The following ENGASE variants were observed in gnomAD, a reference collection of about 807,000 sequenced individuals.
ENGASE encodes the protein cytosolic endo-beta-N-acetylglucosaminidase.
In ENGASE, 69 loss-of-function variants were observed where a neutral mutation model predicts 78.5. That is an observed-to-expected ratio of 0.88 (90% confidence interval 0.72 to 1.07). The LOEUF (loss-of-function observed/expected upper bound fraction) is 1.07, where lower values mean the gene tolerates loss of function less well. Among genes scored for constraint, ENGASE ranks in the 50% least tolerant of loss-of-function variants. The probability of loss-of-function intolerance (pLI) is 0.00; values close to 1 mark genes in which losing one functional copy is unlikely to be tolerated. For missense variants in ENGASE, 943 were observed against 988.4 expected (o/e 0.95, Z 0.62); for synonymous variants, 408 against 408.9 (o/e 1.00, Z 0.03).
rs181617117 is a variant in ENGASE at position 79,083,244 on chromosome 17, G to T, written c.1142+121G>T. ...TTCCTATGGGGGGGTGGTTAAGGGA[G>T]GATGACAGGGGAGGAAGCCAGCACC... On this transcript the variant is annotated intron_variant, in intron 8 of 13. Transcript: ENST00000579016. The surrounding 1 kb of genome is among the most constrained non-coding windows in gnomAD (Gnocchi z 4.9). 3.6e-6 allele frequency: 3 copies of T among 829,320 alleles called. No homozygotes were observed. In the African/African-American group the frequency reaches 5.1e-5, roughly 14 times the overall value. 51.4% of individuals were successfully genotyped at this position (829,320 alleles called of 1,614,324 possible).
chr17:79,084,793 G>T lies in ENGASE; in HGVS notation c.1591+107G>T, dbSNP rs924958129. The T allele has an allele frequency of 3.1e-6, 4 of 1,272,276 alleles. No individual in the cohort carries two copies. The South Asian group carries it at 5.1e-5, about 16-fold the overall frequency. 78.8% of individuals were successfully genotyped at this position (1,272,276 alleles called of 1,614,324 possible). A position where few individuals can be genotyped will look rare whatever the true frequency, so the allele number is the denominator to read the frequency against. On this transcript the variant is annotated intron_variant, in intron 11 of 13. Coordinates refer to ENST00000579016, the MANE Select transcript of ENGASE (RefSeq NM_001042573.3). Reference sequence around the variant, plus strand: ...GGGGAGGAGCTGGTGTGGACAGTGGGGGGGTACATCCTGCCTTTGCCGGAG... The same window carrying T: ...GGGGAGGAGCTGGTGTGGACAGTGGTGGGGTACATCCTGCCTTTGCCGGAG...
intron 10 of ENGASE, 173 bp from the exon 11 acceptor site, chr17:79,084,365 T>C: frequency 1.6e-6 from 1 of 615,848 alleles, no homozygotes; most frequent in Non-Finnish European, 2.8e-6. Context: ...CACAAAAGAA[T>C]CTGGCCTTGG....
At chr17:79,081,807 T>C in intron 6 of ENGASE, 91 bp from the exon 7 acceptor site, 3 of 1,484,074 alleles carry the variant, frequency 2.0e-6, no homozygotes, top group South Asian at 1.3e-5. Flanking sequence ...CTCTGAGTAC[T>C]AGGAGGGGAA....
At chr17:79,081,674 G>A (rs1321675889) in intron 6 of ENGASE, among the ~76,000 whole-genome samples, 1 of 151,426 alleles carries the variant, frequency 6.6e-6, no homozygotes, top group Non-Finnish European at 1.5e-5. Flanking sequence ...ATCTAGGAGG[G>A]GAAAGGCTGA....
At chr17:79,085,101 G>C (rs1028462853) in intron 11 of ENGASE, 133 bp from the exon 12 acceptor site, 2 of 748,078 alleles carry the variant, frequency 2.7e-6, no homozygotes, top group African/African-American at 3.5e-5. Flanking sequence ...CTTGCTGGTT[G>C]CTTCTTGGGA....
In ENGASE at chr17:79,083,085, G is replaced by A. The variant is rs1342518698; in HGVS notation, c.1104G>A (p.Glu368=). ...TGTTTGCCCCCGGCTGGGTGTATGA[G>A]TGTCTGGAGAAGAAGGATTTCTTCC... is the stretch of plus-strand genomic sequence containing the variant. ...VALFAPGWVY[E]CLEKKDFFQN... Residue 368 remains glutamate, a synonymous_variant, in exon 8 of 14, where the codon GAG becomes GAA. Transcript: ENST00000579016. The surrounding 1 kb of genome is among the most constrained non-coding windows in gnomAD (Gnocchi z 4.9). The A allele has an allele frequency of 6.2e-7, 1 of 1,613,930 alleles. No homozygotes were observed. The highest frequency in any genetic ancestry group is 8.5e-7 in the Non-Finnish European group (1 of 1,179,992).
Position 79,086,933 on chromosome 17 carries a change from C to A in ENGASE, c.*584C>A, listed in dbSNP as rs369297867. ...TGAGGAGTGGGCATTCTGGGCCAGC[C>A]GGCGCTGGCTTCGTGCCTCCACGTG... On this transcript the variant is annotated 3_prime_UTR_variant, in exon 14 of 14. Transcript: ENST00000579016. The A allele has an allele frequency of 2.1e-5, 10 of 471,292 alleles. No individual in the cohort carries two copies. Among genetic ancestry groups the A allele is most frequent in the East Asian group, 1.3e-4 (2 of 15,490 alleles). The allele number at this position is 471,292 out of a possible 1,614,324, so 29.2% of individuals were successfully genotyped here. A position where few individuals can be genotyped will look rare whatever the true frequency, so the allele number is the denominator to read the frequency against.
At position 79,086,343 on chromosome 17, in the gene ENGASE, T is replaced by G. The variant is rs754193540; in HGVS notation, c.2226T>G (p.Pro742=). 5.0e-6 allele frequency: 8 copies of G among 1,609,308 alleles called. No individual in the cohort carries two copies. In the East Asian group the frequency reaches 1.8e-4, roughly 36 times the overall value. Residue 742 remains proline, a synonymous_variant, in exon 14 of 14, where the codon CCT becomes CCG. Coordinates refer to ENST00000579016, the MANE Select transcript of ENGASE (RefSeq NM_001042573.3). The stretch of plus-strand genomic sequence containing the variant: ...GGGCAGTTCTGCTTTATTCAGCCCC[T>G]GCATGAGCGGATGCTAAGGCCGGGT... ...WGRAVLLYSA[P]A
At chr17:79,078,262 C>T (rs1568086600) in intron 3 of ENGASE, among the ~76,000 whole-genome samples, 1 of 152,244 alleles carries the variant, frequency 6.6e-6, no homozygotes, top group East Asian at 1.9e-4. Flanking sequence ...ATCGCTTGAA[C>T]CAGGGAGGCA....
At position 79,082,866 on chromosome 17, in the gene ENGASE, A is replaced by G. The variant is rs537458396; in HGVS notation, c.1039-154A>G. 42 of 1,566,636 alleles carry G rather than the reference A, an allele frequency of 2.7e-5. No homozygotes were observed. The East Asian group carries it at 9.5e-4, about 35-fold the overall frequency. Reference sequence around the variant, plus strand: ...TTGTGGAACGACGGGGGTGATGCCCAGCAGCCTCCAGGTGCATCTAGGAGG... The same window carrying G: ...TTGTGGAACGACGGGGGTGATGCCCGGCAGCCTCCAGGTGCATCTAGGAGG... On this transcript the variant is annotated intron_variant, in intron 7 of 13. Transcript: ENST00000579016.
Position 79,087,237 on chromosome 17 carries a change from T to G in ENGASE, c.*888T>G, listed in dbSNP as rs2073343082. On this transcript the variant is annotated 3_prime_UTR_variant, in exon 14 of 14. Coordinates refer to ENST00000579016, the MANE Select transcript of ENGASE (RefSeq NM_001042573.3). The stretch of plus-strand genomic sequence containing the variant: ...CCCCCGCGCCAGCCCAGCCCCAGCC[T>G]GAGTGCAGGAGCTGCAGGACCCGCG... 1 of 354,708 alleles carries G rather than the reference T, an allele frequency of 2.8e-6. No homozygotes were observed. The highest frequency in any genetic ancestry group is 2.1e-5 in the African/African-American group (1 of 46,794). The allele number at this position is 354,708 out of a possible 1,614,324, so 22.0% of individuals were successfully genotyped here.
chr17:79,077,814 G>T lies in ENGASE; in HGVS notation c.366G>T (p.Arg122Ser). Residue 122 changes from arginine (R) to serine (S), a missense_variant, in exon 3 of 14, where the codon AGG becomes AGT. Physicochemically the swap from Arg to Ser is moderately radical, Grantham distance 110 (BLOSUM62 -1). Transcript: ENST00000579016. The part of the protein sequence containing the change: ...ACRQPPLSSQ[R>S]PRTLLCHDMM... ...GCCAGCCCCCTCTGAGCAGCCAGAG[G>T]CCCCGGACTTTGTTGTGTCATGACA... 2 of 1,614,016 alleles carry T rather than the reference G, an allele frequency of 1.2e-6. No individual in the cohort carries two copies. The highest frequency in any genetic ancestry group is 1.7e-6 in the Non-Finnish European group (2 of 1,180,018).
At chr17:79,082,110 T>A (rs2073158728) in intron 7 of ENGASE, 47 bp downstream of exon 7, 1 of 1,613,984 alleles carries the variant, frequency 6.2e-7, no homozygotes. Context: ...GTGCCTCCCC[T>A]GGGACCTCAT....
At chr17:79,081,107 G>A (rs1345563400) in intron 6 of ENGASE, 34 bp downstream of exon 6, 1 of 1,541,538 alleles carries the variant, frequency 6.5e-7, no homozygotes, top group Admixed American at 2.0e-5. Flanking sequence ...GAGGGGGCAG[G>A]TGCCGTGGTG....
Position 79,086,515 on chromosome 17 carries a change from G to C in ENGASE, c.*166G>C, listed in dbSNP as rs2073317519. On this transcript the variant is annotated 3_prime_UTR_variant, in exon 14 of 14. Transcript: ENST00000579016. ...GCTGAGTGCTGTGGCTTTCTGGTGG[G>C]GGGCGATGGAAACAGGAAACCAAGC... 2.5e-6 allele frequency: 2 copies of C among 796,124 alleles called. No homozygotes were observed. The highest frequency in any genetic ancestry group is 3.9e-6 in the Non-Finnish European group (2 of 518,518). The allele number at this position is 796,124 out of a possible 1,614,324, so 49.3% of individuals were successfully genotyped here. A position where few individuals can be genotyped will look rare whatever the true frequency, so the allele number is the denominator to read the frequency against.
At position 79,087,683 on chromosome 17, in the gene ENGASE, G is replaced by A. The variant is rs1264302891; in HGVS notation, c.*1334G>A. ...TCTATGTCGGGCAGTGCTGAGGGCT[G>A]GGATGCTCTGTGACCCCAGCTGGAG... On this transcript the variant is annotated 3_prime_UTR_variant, in exon 14 of 14. Coordinates refer to ENST00000579016, the MANE Select transcript of ENGASE (RefSeq NM_001042573.3). 1 of 152,512 alleles carries A rather than the reference G, an allele frequency of 6.6e-6. No individual in the cohort carries two copies. Among genetic ancestry groups the A allele is most frequent in the Non-Finnish European group, 1.5e-5 (1 of 68,324 alleles). 9.4% of individuals were successfully genotyped at this position (152,512 alleles called of 1,614,324 possible).
chr17:79,079,120 C>T (rs756316021), intron 3 of ENGASE, among the ~76,000 whole-genome samples: 5 of 152,156 alleles, frequency 3.3e-5, no homozygotes, highest in Admixed American at 6.5e-5. Context: ...GGACACCCTG[C>T]GGTCTCCGTG....
chr17:79,081,137 G>C, intron 6 of ENGASE, 64 bp downstream of exon 6: 2 of 1,325,378 alleles, frequency 1.5e-6, no homozygotes, highest in Non-Finnish European at 2.0e-6. Context: ...ACTGTGAGGG[G>C]TGGGTGCCGC....
chr17:79,084,881 C>T (rs1204111249), intron 11 of ENGASE, among the ~76,000 whole-genome samples, 195 bp downstream of exon 11: 1 of 152,130 alleles, frequency 6.6e-6, no homozygotes, highest in Non-Finnish European at 1.5e-5. Flanking sequence ...CAGCCTCTGT[C>T]CTGTGTCCTC....
Sources: allele counts gnomAD v4.1 joint callset (sites outside exome capture counted in the v4.1 genomes callset), GRCh38; gene constraint gnomAD v4.1.1; non-coding constraint Gnocchi (gnomAD v3.1); transcripts MANE v1.5; gene names NCBI Gene and HGNC (gene_info 2026-07-23, HGNC 2026-07-21).